The following CRLF3 variants were observed in gnomAD, a reference collection of about 807,000 sequenced individuals.
CRLF3 encodes cytokine receptor like factor 3.
Under a neutral mutation model 55.0 loss-of-function variants are expected in CRLF3, and 33 were observed. That is an observed-to-expected ratio of 0.60 (90% CI 0.46 to 0.80). The LOEUF is 0.80. Ranked by LOEUF, CRLF3 falls within the 30% of genes least tolerant of loss-of-function variation. The probability of loss-of-function intolerance (pLI) is 0.00; values close to 1 mark genes in which losing one functional copy is unlikely to be tolerated. For synonymous variants in CRLF3, 238 were observed against 196.8 expected (o/e 1.21, Z -1.75); for missense variants, 494 against 538.4 (o/e 0.92, Z 0.82).
intron 1 of CRLF3, among the ~76,000 whole-genome samples, chr17:30,820,652 C>T: frequency 6.6e-6 from 1 of 151,836 alleles, no homozygotes; most frequent in East Asian, 1.9e-4. Flanking sequence ...AGTAGATGGG[C>T]ATGGTGGCAG....
chr17:30,790,090 C>CTAG, intron 6 of CRLF3, among the ~76,000 whole-genome samples: 1 of 151,808 alleles, frequency 6.6e-6, no homozygotes, highest in East Asian at 1.9e-4. Flanking sequence ...ACAAAACAAA[C>CTAG]TAGTATAATC....
chr17:30,807,926 T>C (rs904576868), intron 1 of CRLF3, among the ~76,000 whole-genome samples: 2 of 152,188 alleles, frequency 1.3e-5, no homozygotes, highest in Non-Finnish European at 2.9e-5. Context: ...TGTTAACTAA[T>C]TTCTGTATTT....
intron 1 of CRLF3, among the ~76,000 whole-genome samples, chr17:30,818,697 GCC>G (rs1904888156): frequency 6.6e-6 from 1 of 151,274 alleles, no homozygotes; most frequent in African/African-American, 2.4e-5. Context: ...CAGGTGATCC[GCC>G]CGCCTCAGCC....
At chr17:30,800,607 TAA>T (rs529272605) in intron 2 of CRLF3, among the ~76,000 whole-genome samples, 1 of 141,786 alleles carries the variant, frequency 7.1e-6, no homozygotes. Context: ...TTCTACTTCT[TAA>T]AAAAAAAAAA....
At chr17:30,821,223 C>T (rs894904310) in intron 1 of CRLF3, among the ~76,000 whole-genome samples, 14 of 151,238 alleles carry the variant, frequency 9.3e-5, no homozygotes, top group African/African-American at 2.4e-4. Flanking sequence ...GCCTGTAGTC[C>T]CAGCTACTCG....
chr17:30,785,700 T>TA (rs1405701784), intron 7 of CRLF3, among the ~76,000 whole-genome samples: 5 of 151,450 alleles, frequency 3.3e-5, no homozygotes, highest in Non-Finnish European at 7.4e-5. Context: ...GAGGATGGCT[T>TA]GGGCCCAAGA....
intron 6 of CRLF3, among the ~76,000 whole-genome samples, chr17:30,791,829 T>G (rs146372432): frequency 2.0e-5 from 3 of 151,530 alleles, no homozygotes; most frequent in African/African-American, 7.3e-5. Context: ...CCTCTAAATT[T>G]TTAAGATTTA....
chr17:30,803,553 G>A (rs892787478), intron 2 of CRLF3: 29 of 206,764 alleles, frequency 1.4e-4, no homozygotes, highest in Non-Finnish European at 2.4e-4. Flanking sequence ...ATCTCATCTC[G>A]AATTGTACTC....
rs187998755 is a variant in CRLF3, at chr17:30,808,606, A to T, written c.130-4498T>A. ...CCCAGCCAAACCTGTATATATATAT[A>T]TTTTTTTTTTGAGTCTTGCTCTGTC... On this transcript the variant is annotated intron_variant, in intron 1 of 7. Transcript: ENST00000324238. Among the ~76,000 whole-genome samples, 296 of 136,244 alleles carry T rather than the reference A, an allele frequency of 2.2e-3. 1 individual carries two copies. Among genetic ancestry groups the T allele is most frequent in the Admixed American group, 3.5e-3 (46 of 13,096 alleles). 89.4% of individuals were successfully genotyped at this position (136,244 alleles called of 152,430 possible). A position where few individuals can be genotyped will look rare whatever the true frequency, so the allele number is the denominator to read the frequency against.
chr17:30,798,195 T>C (rs868034350), intron 2 of CRLF3, among the ~76,000 whole-genome samples: 2 of 151,930 alleles, frequency 1.3e-5, no homozygotes, highest in African/African-American at 4.8e-5. Context: ...CTGGCCAACA[T>C]GGTGAAACCC....
intron 2 of CRLF3, among the ~76,000 whole-genome samples, chr17:30,798,264 G>C (rs931715105): frequency 1.3e-5 from 2 of 151,920 alleles, no homozygotes; most frequent in Non-Finnish European, 1.5e-5. Flanking sequence ...TGTATTCCCA[G>C]CTACTAGGGA....
chr17:30,799,021 C>G (rs561151652), intron 2 of CRLF3, among the ~76,000 whole-genome samples: 2 of 152,190 alleles, frequency 1.3e-5, no homozygotes, highest in East Asian at 1.9e-4. Flanking sequence ...CGCCTGTAAT[C>G]CCAGCACTTT....
chr17:30,791,808 G>T (rs552987700), intron 6 of CRLF3, among the ~76,000 whole-genome samples: 12 of 151,992 alleles, frequency 7.9e-5, no homozygotes, highest in Middle Eastern at 3.4e-3. Flanking sequence ...GAGCCACCGT[G>T]CCTGGCCAGG....
intron 6 of CRLF3, among the ~76,000 whole-genome samples, chr17:30,791,824 A>AAATTTT (rs1232087577): frequency 2.6e-5 from 4 of 151,402 alleles, no homozygotes; most frequent in South Asian, 4.2e-4. Flanking sequence ...CCAGGCCTCT[A>AAATTTT]AATTTTTAAG....
intron 1 of CRLF3, among the ~76,000 whole-genome samples, chr17:30,820,129 T>C (rs776539245): frequency 6.6e-6 from 1 of 152,214 alleles, no homozygotes; most frequent in Admixed American, 6.5e-5. Flanking sequence ...CTGAAGACAA[T>C]GAACAGCTTT....
At chr17:30,807,999 C>A (rs1447236218) in intron 1 of CRLF3, among the ~76,000 whole-genome samples, 1 of 152,046 alleles carries the variant, frequency 6.6e-6, no homozygotes, top group Non-Finnish European at 1.5e-5. Context: ...AGGCCATAAA[C>A]CCAAATTGCA....
intron 6 of CRLF3, chr17:30,786,824 C>G (rs1971658791): frequency 6.6e-6 from 1 of 152,620 alleles, no homozygotes; most frequent in African/African-American, 2.4e-5. Context: ...CCTCAGCCTC[C>G]TGAGTAGCTG....
At chr17:30,787,625 T>G (rs538206490) in intron 6 of CRLF3, 1 of 152,174 alleles carries the variant, frequency 6.6e-6, no homozygotes, top group Non-Finnish European at 1.5e-5. Flanking sequence ...ATGTCATTGA[T>G]TGTGAAATAG....
At chr17:30,824,494 C>T in intron 1 of CRLF3, 29 bp downstream of exon 1, 1 of 1,567,896 alleles carries the variant, frequency 6.4e-7, no homozygotes, top group Non-Finnish European at 8.6e-7. Flanking sequence ...CCCGGGCCCA[C>T]AGCGCCCCTG....
Sources: allele counts gnomAD v4.1 joint callset (sites outside exome capture counted in the v4.1 genomes callset), GRCh38; gene constraint gnomAD v4.1.1; transcripts MANE v1.5; gene names NCBI Gene and HGNC (gene_info 2026-07-23, HGNC 2026-07-21).